Variants in RUBCN observed in about 807,000 individuals in gnomAD.
RUBCN encodes the protein rubicon autophagy regulator, also known as run domain Beclin-1-interacting and cysteine-rich domain-containing protein.
Under a neutral mutation model 113.2 loss-of-function variants are expected in RUBCN, and 74 were observed. That is an observed-to-expected ratio of 0.65 (90% CI 0.54 to 0.79). The LOEUF is 0.79. Among genes scored for constraint, RUBCN ranks in the 30% least tolerant of loss-of-function variants. The pLI is 0.00. For missense variants in RUBCN, 1,109 were observed against 1,251.7 expected (o/e 0.89, Z 1.72); for synonymous variants, 480 against 490.0 (o/e 0.98, Z 0.27).
intron 7 of RUBCN, among the ~76,000 whole-genome samples, chr3:197,697,563 G>C (rs995811378): frequency 6.6e-6 from 1 of 152,188 alleles, no homozygotes; most frequent in African/African-American, 2.4e-5. Flanking sequence ...GAAGCCCAGG[G>C]AGAGGGCCCT....
In RUBCN at chr3:197,674,883, A is replaced by G. The variant is rs1720160957; in HGVS notation, c.*135T>C. 1 of 632,220 alleles carries G rather than the reference A, an allele frequency of 1.6e-6. No individual in the cohort carries two copies. Among genetic ancestry groups the G allele is most frequent in the African/African-American group, 2.0e-5 (1 of 49,570 alleles). 39.2% of individuals were successfully genotyped at this position (632,220 alleles called of 1,614,324 possible). The stretch of plus-strand genomic sequence containing the variant: ...ACACAGACGTCAGACAAGTCAGTAA[A>G]AAAAAAAAAAAAGATGATGATAATT... On this transcript the variant is annotated 3_prime_UTR_variant, in exon 20 of 20. Coordinates refer to ENST00000296343, the MANE Select transcript of RUBCN (RefSeq NM_014687.4).
chr3:197,711,964 T>C (rs1187768493), intron 2 of RUBCN, among the ~76,000 whole-genome samples: 3 of 152,242 alleles, frequency 2.0e-5, no homozygotes, highest in African/African-American at 7.2e-5. Context: ...GGGTGATATT[T>C]ACTTTCTTCT....
At chr3:197,748,975 A>T (rs1183192176) in intron 1 of RUBCN, among the ~76,000 whole-genome samples, 1 of 152,238 alleles carries the variant, frequency 6.6e-6, no homozygotes, top group Non-Finnish European at 1.5e-5. Context: ...CTAGGTGGAC[A>T]GAATGCATCT....
At chr3:197,730,568 ATTT>A (rs1291161661) in intron 1 of RUBCN, among the ~76,000 whole-genome samples, 2 of 138,594 alleles carry the variant, frequency 1.4e-5, no homozygotes, top group African/African-American at 2.7e-5. Flanking sequence ...TACACCCTAG[ATTT>A]TTTTTTTTTT....
chr3:197,682,333 C>T (rs1721334623), intron 14 of RUBCN, 137 bp downstream of exon 14: 7 of 1,026,882 alleles, frequency 6.8e-6, no homozygotes, highest in Admixed American at 4.3e-5. Context: ...ATGGACGACG[C>T]CCCCCCTCTG....
chr3:197,749,805 C>A, upstream of RUBCN: 1 of 472,510 alleles, frequency 2.1e-6, no homozygotes, highest in South Asian at 3.2e-5. Flanking sequence ...TCTGGTCGCC[C>A]GCGAGTGTCG....
At chr3:197,722,250 A>C (rs986810803) in intron 1 of RUBCN, among the ~76,000 whole-genome samples, 2 of 151,848 alleles carry the variant, frequency 1.3e-5, no homozygotes, top group African/African-American at 4.8e-5. Flanking sequence ...AAAAAAAAAG[A>C]AAGAAAAAAG....
At chr3:197,695,621 C>T (rs906273738) in intron 9 of RUBCN, among the ~76,000 whole-genome samples, 1 of 152,070 alleles carries the variant, frequency 6.6e-6, no homozygotes, top group African/African-American at 2.4e-5. Flanking sequence ...AAAACACACA[C>T]ACAAACTTGA....
Position 197,717,950 on chromosome 3 carries a change from T to C in RUBCN, c.219+27A>G, listed in dbSNP as rs374107454. On this transcript the variant is annotated intron_variant, in intron 2 of 19. Coordinates refer to ENST00000296343, the MANE Select transcript of RUBCN (RefSeq NM_014687.4). ...TCTTTTCAACAAGCGAGTCAGCCAA[T>C]CTGGCAAAAAAAGGAGTTCTGCATA... The C allele has an allele frequency of 8.9e-4, 1,440 of 1,612,640 alleles. 1 individual carries two copies. Among genetic ancestry groups the C allele is most frequent in the Non-Finnish European group, 1.1e-3 (1,330 of 1,179,874 alleles).
At chr3:197,713,442 C>T (rs1725175411) in intron 2 of RUBCN, among the ~76,000 whole-genome samples, 1 of 152,202 alleles carries the variant, frequency 6.6e-6, no homozygotes, top group Admixed American at 6.5e-5. Flanking sequence ...GCCTGGGAAA[C>T]TTGCACTGAG....
At chr3:197,699,210 A>T in intron 7 of RUBCN, 1 of 1,550,300 alleles carries the variant, frequency 6.5e-7, no homozygotes, top group Non-Finnish European at 8.7e-7. Flanking sequence ...TTCAACTATA[A>T]TGGTGATATT....
Position 197,683,351 on chromosome 3 carries a change from A to T in RUBCN, c.1936T>A (p.Ser646Thr). The T allele has an allele frequency of 6.2e-7, 1 of 1,614,170 alleles. No individual in the cohort carries two copies. The highest frequency in any genetic ancestry group is 8.5e-7 in the Non-Finnish European group (1 of 1,180,010). The change falls in exon 13 of 20, where the codon TCG becomes ACG. Residue 646 changes from serine to threonine, a missense_variant. Around this residue, in one of 3 missense-constraint regions of RUBCN, gnomAD observed 67 missense variants for 123.2 expected, o/e 0.54. Transcript: ENST00000296343. The surrounding 1 kb of genome is among the most constrained non-coding windows in gnomAD (Gnocchi z 4.6). ...TCCGGGACAAGCCACTCCAGCTCCG[A>T]GGCGGCTGGAAGCTGCATCCCCTCA... ...QFEGMQLPAASELEWLVPEHD... is the reference protein window; with the variant it reads ...QFEGMQLPAATELEWLVPEHD...
chr3:197,670,184 GCTCA>G lies in RUBCN; in HGVS notation c.*4830_*4833del, dbSNP rs1560384504. 2.0e-5 allele frequency among the ~76,000 whole-genome samples: 3 copies of G among 152,208 alleles called. No individual in the cohort carries two copies. Among genetic ancestry groups the G allele is most frequent in the Non-Finnish European group, 2.9e-5 (2 of 68,038 alleles). The stretch of plus-strand genomic sequence containing the variant: ...TTACAGGCGTGAGCCACTGTGTGCG[GCTCA>G]CTATCATAATTTTTATAACTGTCAT... On this transcript the variant is annotated 3_prime_UTR_variant, in exon 20 of 20. Coordinates refer to ENST00000296343, the MANE Select transcript of RUBCN (RefSeq NM_014687.4).
intron 1 of RUBCN, among the ~76,000 whole-genome samples, chr3:197,725,571 T>C (rs1435895500): frequency 3.5e-5 from 5 of 141,306 alleles, no homozygotes; most frequent in African/African-American, 1.3e-4. Flanking sequence ...ACTATGTTGC[T>C]GAGATTGGTC....
intron 11 of RUBCN, among the ~76,000 whole-genome samples, chr3:197,685,198 TG>T (rs1219332429): frequency 5.3e-5 from 8 of 152,092 alleles, no homozygotes; most frequent in Admixed American, 5.2e-4. Context: ...ATACTTTTGA[TG>T]GGGGGGATGT....
At chr3:197,695,070 C>T (rs138946154) in intron 9 of RUBCN, among the ~76,000 whole-genome samples, 92 of 152,310 alleles carry the variant, frequency 6.0e-4, no homozygotes, top group African/African-American at 2.1e-3. Context: ...TGCTGCCAGA[C>T]GCAGCGGCTC....
At chr3:197,691,613 C>T (rs963467074) in intron 11 of RUBCN, among the ~76,000 whole-genome samples, 2 of 152,184 alleles carry the variant, frequency 1.3e-5, no homozygotes, top group African/African-American at 4.8e-5. Context: ...GATTGAACAT[C>T]TCCTCAGGGC....
intron 9 of RUBCN, among the ~76,000 whole-genome samples, chr3:197,695,038 C>G (rs186957463): frequency 6.6e-6 from 1 of 152,244 alleles, no homozygotes; most frequent in African/African-American, 2.4e-5. Context: ...TCAAGGGAAC[C>G]GCAATCATGC....
Position 197,670,961 on chromosome 3 carries a change from G to C in RUBCN, c.*4057C>G, listed in dbSNP as rs1390891412. On this transcript the variant is annotated 3_prime_UTR_variant, in exon 20 of 20. Transcript: ENST00000296343. ...AGACTTGGTGAGCACTAAGAGGGGAGGTAGAGGTGGTCACAATCCCGCCCC... is the reference window on the plus strand; with the variant it reads ...AGACTTGGTGAGCACTAAGAGGGGACGTAGAGGTGGTCACAATCCCGCCCC... 6.6e-6 allele frequency among the ~76,000 whole-genome samples: 1 copy of C among 152,188 alleles called. No homozygotes were observed. Among genetic ancestry groups the C allele is most frequent in the Non-Finnish European group, 1.5e-5 (1 of 68,044 alleles).
Sources: gnomAD v4.1 joint callset for allele counts (sites outside exome capture counted in the v4.1 genomes callset) on GRCh38, gnomAD v4.1.1 for gene constraint, gnomAD v4.1.1 regional missense constraint, Gnocchi (gnomAD v3.1) non-coding constraint, MANE v1.5 for transcripts, NCBI Gene and HGNC (gene_info 2026-07-23, HGNC 2026-07-21) for gene names.